The following TTC13 variants were observed in gnomAD, a reference collection of about 807,000 sequenced individuals.
TTC13 encodes the protein tetratricopeptide repeat protein 13.
In TTC13, 62 loss-of-function variants were observed where a neutral mutation model predicts 120.0. The observed-to-expected ratio is 0.52, with a 90% CI of 0.42 to 0.64. The LOEUF (loss-of-function observed/expected upper bound fraction) is 0.64. Among genes scored for constraint, TTC13 ranks in the 30% least tolerant of loss-of-function variants. The probability of loss-of-function intolerance (pLI) is 0.00; values close to 1 mark genes in which losing one functional copy is unlikely to be tolerated. For missense variants in TTC13, 824 were observed against 1,050.2 expected, an observed-to-expected ratio of 0.78 and a Z score of 2.98; for synonymous variants, 384 against 393.5, an observed-to-expected ratio of 0.98 and a Z score of 0.28.
At chr1:230,958,664 T>A (rs1171254956) in intron 2 of TTC13, among the ~76,000 whole-genome samples, 3 of 152,166 alleles carry the variant, frequency 2.0e-5, no homozygotes, top group Admixed American at 6.5e-5. Flanking sequence ...TACAGACAAG[T>A]TCACAGATGC....
chr1:230,923,744 A>G (rs868579297), intron 15 of TTC13, 97 bp downstream of exon 15: 6 of 1,002,926 alleles, frequency 6.0e-6, no homozygotes, highest in Middle Eastern at 2.2e-4. Flanking sequence ...TCAAAAAGTC[A>G]CCAGGAAAGG....
chr1:230,908,871 CT>C, intron 21 of TTC13, 70 bp downstream of exon 21: 8 of 1,607,906 alleles, frequency 5.0e-6, no homozygotes, highest in Non-Finnish European at 5.1e-6. Flanking sequence ...ACTCGTGTAC[CT>C]TAAAATAAAA....
chr1:230,969,180 T>A (rs1179596629), intron 1 of TTC13, among the ~76,000 whole-genome samples: 1 of 151,970 alleles, frequency 6.6e-6, no homozygotes, highest in Non-Finnish European at 1.5e-5. Flanking sequence ...GAGAATGGCG[T>A]GAACCTGGGA....
intron 9 of TTC13, among the ~76,000 whole-genome samples, chr1:230,932,814 G>A (rs945394052): frequency 3.9e-5 from 6 of 152,072 alleles, no homozygotes; most frequent in African/African-American, 7.2e-5. Flanking sequence ...GGGACTTTCC[G>A]TCGCTGTCTT....
chr1:230,970,320 G>A (rs1177724035), intron 1 of TTC13, among the ~76,000 whole-genome samples: 1 of 152,230 alleles, frequency 6.6e-6, no homozygotes, highest in African/African-American at 2.4e-5. Context: ...GGTGGAGGCA[G>A]TCCATATGAA....
chr1:230,948,872 G>C (rs1675263373), intron 4 of TTC13, among the ~76,000 whole-genome samples: 1 of 152,042 alleles, frequency 6.6e-6, no homozygotes. Context: ...ATTTGCAAAT[G>C]CTATCCCCTC....
Position 230,924,885 on chromosome 1 carries a change from C to T in TTC13, c.1677G>A (p.Leu559=), listed in dbSNP as rs767639586. Residue 559 remains leucine (L), a synonymous_variant, in exon 14 of 23, where the codon TTG becomes TTA. Transcript: ENST00000366661. ...SKVRMNGKTR[L]MQWRDMFDIA... ...TGTCAAACATGTCTCTCCACTGCAT[C>T]AACCGTGTCTTCCCATTCATTCGAA... is the stretch of plus-strand genomic sequence containing the variant. 6.2e-7 allele frequency: 1 copy of T among 1,614,226 alleles called. No individual in the cohort carries two copies. The highest frequency in any genetic ancestry group is 1.6e-4 in the Middle Eastern group (1 of 6,062).
rs57051929 is a variant in TTC13, at chr1:230,948,400, CA to C, written c.514-2947del. Among the ~76,000 whole-genome samples, 702 of 96,582 alleles carry C rather than the reference CA, an allele frequency of 7.3e-3. 9 individuals carry two copies. The highest frequency in any genetic ancestry group is 0.017 in the African/African-American group (455 of 26,698). The allele number at this position is 96,582 out of a possible 152,430, so 63.4% of individuals were successfully genotyped here. On this transcript the variant is annotated intron_variant, in intron 4 of 22. Transcript: ENST00000366661. ...CACTAAAGGGTAGCAACTCACAATA[CA>C]AAAAAAAAAAAAAAAGGTAACATCT... is the stretch of plus-strand genomic sequence containing the variant.
At chr1:230,969,717 C>T (rs1426994244) in intron 1 of TTC13, among the ~76,000 whole-genome samples, 2 of 152,142 alleles carry the variant, frequency 1.3e-5, no homozygotes, top group Admixed American at 1.3e-4. Flanking sequence ...TGACTTAGAG[C>T]AAGTCCTTTA....
intron 8 of TTC13, among the ~76,000 whole-genome samples, chr1:230,934,704 TTTTCC>T (rs2102853529): frequency 6.6e-6 from 1 of 152,362 alleles, no homozygotes; most frequent in Admixed American, 6.5e-5. Flanking sequence ...TTACTAACAC[TTTTCC>T]TAAGGAAAAG....
At chr1:230,951,273 C>A (rs536168292) in intron 4 of TTC13, among the ~76,000 whole-genome samples, 6 of 152,028 alleles carry the variant, frequency 3.9e-5, no homozygotes, top group African/African-American at 1.4e-4. Flanking sequence ...AACAGTGATT[C>A]TAATAAAATC....
intron 14 of TTC13, among the ~76,000 whole-genome samples, chr1:230,924,445 GC>G (rs1384335783): frequency 3.9e-5 from 6 of 152,158 alleles, no homozygotes; most frequent in Non-Finnish European, 8.8e-5. Flanking sequence ...CCATTCTCCT[GC>G]CTCAGCCTCC....
chr1:230,965,637 G>A (rs1269570200), intron 1 of TTC13, among the ~76,000 whole-genome samples: 1 of 152,194 alleles, frequency 6.6e-6, no homozygotes, highest in African/African-American at 2.4e-5. Flanking sequence ...CCAAAAGACA[G>A]GAAATCAGTA....
At chr1:230,948,182 A>G (rs1047026150) in intron 4 of TTC13, among the ~76,000 whole-genome samples, 1 of 152,210 alleles carries the variant, frequency 6.6e-6, no homozygotes, top group Non-Finnish European at 1.5e-5. Flanking sequence ...CAAATCACTG[A>G]AATACATTTT....
intron 1 of TTC13, among the ~76,000 whole-genome samples, chr1:230,974,090 A>AC (rs1383168648): frequency 6.6e-6 from 1 of 151,958 alleles, no homozygotes; most frequent in African/African-American, 2.4e-5. Flanking sequence ...AAAAAAAAAA[A>AC]AGAAGAGCAG....
intron 6 of TTC13, among the ~76,000 whole-genome samples, chr1:230,943,318 A>C (rs1463848367): frequency 2.0e-5 from 3 of 152,052 alleles, no homozygotes; most frequent in Non-Finnish European, 4.4e-5. Context: ...TTACATAAAG[A>C]CTTGGAACCA....
chr1:230,906,970 T>A lies in TTC13; in HGVS notation c.2518A>T (p.Thr840Ser). The change falls in exon 23 of 23, where the codon ACG (threonine) becomes TCG (serine). Residue 840 changes from threonine to serine, a missense_variant. By Grantham distance (58) the Thr-to-Ser change is moderately conservative. Transcript: ENST00000366661. ...AGCACCTCAATCATCGATCTTAACG[T>A]TGGAAACGTTTCTGATACTGATGGA... ...TLPSVSETFP[T>S]LRSMIEVLNT... The A allele has an allele frequency of 6.5e-7, 1 of 1,543,364 alleles. No individual in the cohort carries two copies. The highest frequency in any genetic ancestry group is 8.7e-7 in the Non-Finnish European group (1 of 1,153,528).
intron 4 of TTC13, among the ~76,000 whole-genome samples, chr1:230,945,790 G>A (rs1674935931): frequency 6.6e-6 from 1 of 152,190 alleles, no homozygotes; most frequent in South Asian, 2.1e-4. Context: ...GTCTTACAGA[G>A]AAGAAGGAGG....
intron 4 of TTC13, among the ~76,000 whole-genome samples, chr1:230,952,174 CTT>C (rs1266368723): frequency 2.0e-5 from 3 of 152,094 alleles, no homozygotes; most frequent in Non-Finnish European, 4.4e-5. Context: ...TTTTCTATTC[CTT>C]ATCAGTCATA....
Sources: allele counts gnomAD v4.1 joint callset (sites outside exome capture counted in the v4.1 genomes callset), GRCh38; gene constraint gnomAD v4.1.1; transcripts MANE v1.5; gene names NCBI Gene and HGNC (gene_info 2026-07-23, HGNC 2026-07-21).